Variants in PKMYT1 observed in about 807,000 individuals in gnomAD.
The protein encoded by PKMYT1 is protein kinase, membrane associated tyrosine/threonine 1, also known as membrane-associated tyrosine- and threonine-specific cdc2-inhibitory kinase.
Under a neutral mutation model 49.7 loss-of-function variants are expected in PKMYT1, and 35 were observed. That is an observed-to-expected ratio of 0.70 (90% confidence interval 0.54 to 0.93). The LOEUF is 0.93. Among genes scored for constraint, PKMYT1 ranks in the 40% least tolerant of loss-of-function variants. The pLI is 0.00. For missense variants in PKMYT1, 677 were observed against 673.1 expected (o/e 1.01, Z -0.06); for synonymous variants, 331 against 287.6 (o/e 1.15, Z -1.53).
chr16:2,974,732 G>A (rs754961890), intron 4 of PKMYT1, 76 bp from the exon 5 acceptor site: 2 of 941,096 alleles, frequency 2.1e-6, no homozygotes, highest in South Asian at 3.0e-5. Context: ...GCTGCCTCTT[G>A]GAGGTGGGTG....
At chr16:2,980,223 C>T in intron 1 of PKMYT1, 63 bp downstream of exon 1, 1 of 153,890 alleles carries the variant, frequency 6.5e-6, no homozygotes, top group Non-Finnish European at 1.4e-5. Flanking sequence ...GCAGACCTGG[C>T]GAGGCGGAGG....
In PKMYT1 at chr16:2,975,548, G is replaced by C. The variant is rs369663008; in HGVS notation, c.643C>G (p.Arg215Gly). Residue 215 changes from arginine to glycine, a missense_variant, in exon 4 of 9, where the codon CGG becomes GGG. By Grantham distance (125) the Arg-to-Gly change is moderately radical. Coordinates refer to ENST00000262300, the MANE Select transcript of PKMYT1 (RefSeq NM_004203.5). ...LPEAQVWGYLRDTLLALAHLH... is the reference protein window; with the variant it reads ...LPEAQVWGYLGDTLLALAHLH... ...TGGGCCAGGGCAAGCAGCGTGTCCC[G>C]CAGGTAGCCCCAGACCTGGGCCTCA... 1.9e-6 allele frequency: 3 copies of C among 1,611,946 alleles called. No homozygotes were observed. Among genetic ancestry groups the C allele is most frequent in the South Asian group, 1.1e-5 (1 of 91,050 alleles).
intron 2 of PKMYT1, chr16:2,977,274 CCG>C (rs1307655314): frequency 7.4e-7 from 1 of 1,358,782 alleles, no homozygotes; most frequent in Non-Finnish European, 9.5e-7. Flanking sequence ...ACCATGGGGC[CCG>C]TGTTCTTGAG....
At chr16:2,979,046 A>G (rs1357780270) in intron 2 of PKMYT1, among the ~76,000 whole-genome samples, 1 of 150,932 alleles carries the variant, frequency 6.6e-6, no homozygotes. Flanking sequence ...TATAAAAAAC[A>G]ATAGAGCGGC....
Position 2,979,853 on chromosome 16 carries a change from A to C in PKMYT1, c.-196T>G. 1.6e-6 allele frequency: 1 copy of C among 625,760 alleles called. No homozygotes were observed. The highest frequency in any genetic ancestry group is 2.8e-6 in the Non-Finnish European group (1 of 351,994). The allele number at this position is 625,760 out of a possible 1,614,324, so 38.8% of individuals were successfully genotyped here. On this transcript the variant is annotated 5_prime_UTR_variant, in exon 2 of 9. Coordinates refer to ENST00000262300, the MANE Select transcript of PKMYT1 (RefSeq NM_004203.5). ...ATCTGCTGGCCACCTTTCCCGGTAG[A>C]CGGTAAGTTCCTCCCAGGCAGGGCC... is the stretch of plus-strand genomic sequence containing the variant.
intron 3 of PKMYT1, chr16:2,976,035 G>A (rs1306615715): frequency 1.5e-5 from 8 of 547,244 alleles, no homozygotes; most frequent in East Asian, 6.0e-5. Context: ...AGCCAGGGCC[G>A]ACCTGCACTG....
intron 4 of PKMYT1, 96 bp downstream of exon 4, chr16:2,975,223 G>C: frequency 7.2e-7 from 1 of 1,388,126 alleles, no homozygotes; most frequent in Non-Finnish European, 9.6e-7. Flanking sequence ...CGGGTGTCCT[G>C]GGCTAGGGTG....
intron 2 of PKMYT1, 95 bp downstream of exon 2, chr16:2,979,553 C>G: frequency 2.0e-6 from 2 of 1,020,192 alleles, no homozygotes; most frequent in South Asian, 2.6e-5. Context: ...TCACTGGTCA[C>G]AAGCACAGCC....
chr16:2,977,914 GCTC>G lies in PKMYT1; in HGVS notation c.11-886_11-884del, dbSNP rs567536189. Among the ~76,000 whole-genome samples the G allele has an allele frequency of 4.6e-3, 703 of 152,336 alleles. 4 individuals are homozygous for G. Among genetic ancestry groups the G allele is most frequent in the Middle Eastern group, 0.02 (6 of 294 alleles). ...GCTGAGTGTGGCAGACAGGCCAGGG[GCTC>G]CTTTCTTCCACCTGCCCCCAAGCAT... On this transcript the variant is annotated intron_variant, in intron 2 of 8. Coordinates refer to ENST00000262300, the MANE Select transcript of PKMYT1 (RefSeq NM_004203.5).
At chr16:2,974,524 A>T (rs1567385491) in intron 5 of PKMYT1, 26 bp downstream of exon 5, 1 of 1,534,718 alleles carries the variant, frequency 6.5e-7, no homozygotes, top group East Asian at 2.4e-5. Context: ...CCGTGGCAGC[A>T]CCCCCTCCCG....
intron 4 of PKMYT1, among the ~76,000 whole-genome samples, chr16:2,975,091 G>T (rs1368477415): frequency 1.3e-5 from 2 of 152,350 alleles, no homozygotes; most frequent in Non-Finnish European, 2.9e-5. Context: ...TTCTCCTGTG[G>T]AGCTGTGAGG....
chr16:2,976,616 C>T, intron 3 of PKMYT1, 48 bp downstream of exon 3: 2 of 1,410,250 alleles, frequency 1.4e-6, no homozygotes, highest in Non-Finnish European at 1.9e-6. Flanking sequence ...GGTGCAGAAA[C>T]ACAAAGGAGG....
chr16:2,973,496 A>G, intron 7 of PKMYT1: 1 of 1,431,508 alleles, frequency 7.0e-7, no homozygotes, highest in Non-Finnish European at 9.3e-7. Context: ...CCTTTCTGGA[A>G]CTTCTTGTCT....
intron 2 of PKMYT1, among the ~76,000 whole-genome samples, chr16:2,978,085 T>C (rs575891635): frequency 6.6e-6 from 1 of 152,234 alleles, no homozygotes; most frequent in South Asian, 2.1e-4. Context: ...CCTAAAGCAA[T>C]AGCAGCACTC....
chr16:2,973,715 T>C (rs1207071178), intron 7 of PKMYT1: 2 of 526,172 alleles, frequency 3.8e-6, no homozygotes, highest in Non-Finnish European at 6.8e-6. Context: ...GACAATGTTT[T>C]ATCCCTGGGC....
intron 3 of PKMYT1, 101 bp downstream of exon 3, chr16:2,976,563 C>A (rs563821853): frequency 9.3e-5 from 112 of 1,203,442 alleles, no homozygotes; most frequent in Non-Finnish European, 1.2e-4. Flanking sequence ...CTGTAGGGAA[C>A]GGAAGGGGAT....
In PKMYT1 at chr16:2,974,122, C is replaced by A; in HGVS notation, c.1188G>T (p.Gly396=). Residue 396 remains glycine (G), a synonymous_variant, in exon 7 of 9, where the codon GGG becomes GGT. Transcript: ENST00000262300. The stretch of plus-strand genomic sequence containing the variant: ...GTAGCCAGCTGGCAGGGTGAGCCAG[C>A]CCATGCCAGAGCCAGCAGAGCAGGG... The part of the protein sequence containing the change: ...LLALLCWLWH[G]LAHPASWLQP... The A allele has an allele frequency of 6.2e-7, 1 of 1,604,824 alleles. No homozygotes were observed. The highest frequency in any genetic ancestry group is 1.1e-5 in the South Asian group (1 of 89,674).
Position 2,973,134 on chromosome 16 carries a change from T to C in PKMYT1, c.1388+4A>G. ...TGCCCACCCCAGCCCCTGGACCTGC[T>C]TACCTGGGTGTGCACCTGCTCCGGG... On this transcript the variant is annotated splice_donor_region_variant and intron_variant, in intron 8 of 8. Transcript: ENST00000262300. 1 of 1,553,700 alleles carries C rather than the reference T, an allele frequency of 6.4e-7. No individual in the cohort carries two copies. The highest frequency in any genetic ancestry group is 8.7e-7 in the Non-Finnish European group (1 of 1,144,358).
At chr16:2,979,956 G>A (rs1275917510) in intron 1 of PKMYT1, 44 bp from the exon 2 acceptor site, 2 of 481,236 alleles carry the variant, frequency 4.2e-6, no homozygotes, top group East Asian at 3.7e-5. Context: ...GGGAAGAGGG[G>A]CTGTTGCAGA....
Sources: allele counts gnomAD v4.1 joint callset (sites outside exome capture counted in the v4.1 genomes callset), GRCh38; gene constraint gnomAD v4.1.1; transcripts MANE v1.5; gene names NCBI Gene and HGNC (gene_info 2026-07-23, HGNC 2026-07-21).